Variants in CCDC88A observed in about 807,000 individuals in gnomAD.
CCDC88A encodes the protein girdin.
In CCDC88A, 54 loss-of-function variants were observed where a neutral mutation model predicts 234.3. The ratio of observed to expected loss-of-function variants is 0.23; its 90% CI spans 0.19 to 0.29. The LOEUF (loss-of-function observed/expected upper bound fraction) is 0.29. Among genes scored for constraint, CCDC88A ranks in the 10% least tolerant of loss-of-function variants. CCDC88A has a pLI of 1.00. For missense variants in CCDC88A, 1,832 were observed against 2,123.4 expected (o/e 0.86, Z 2.70); for synonymous variants, 753 against 737.8 (o/e 1.02, Z -0.33).
rs1680940910 is a variant in CCDC88A, at chr2:55,301,888, C to A, written c.4656G>T (p.Gln1552His). 1 of 1,614,096 alleles carries A rather than the reference C, an allele frequency of 6.2e-7. No homozygotes were observed. The highest frequency in any genetic ancestry group is 8.5e-7 in the Non-Finnish European group (1 of 1,180,010). Residue 1552 changes from glutamine to histidine, a missense_variant, in exon 27 of 33, where the codon CAG (glutamine) becomes CAT (histidine). By Grantham distance (24) the Gln-to-His change is conservative (BLOSUM62 0). Coordinates refer to ENST00000436346, the MANE Select transcript of CCDC88A (RefSeq NM_001365480.1). ...AGCCTATACCTTTATTATTAACCAA[C>A]TGCTTGGATCTGAAGCCTGCAGAAG... ...VNSSAGFRSK[Q>H]LVNNKDTTSF...
At chr2:55,364,098 T>C (rs912235171) in intron 5 of CCDC88A, 65 bp from the exon 6 acceptor site, 21 of 715,440 alleles carry the variant, frequency 2.9e-5, no homozygotes, top group East Asian at 1.5e-4. Context: ...ATGTTATATA[T>C]AACTAAAACT....
At position 55,355,601 on chromosome 2, in the gene CCDC88A, T is replaced by C; in HGVS notation, c.778A>G (p.Ile260Val). The C allele has an allele frequency of 6.2e-7, 1 of 1,614,138 alleles. No individual in the cohort carries two copies. The highest frequency in any genetic ancestry group is 8.5e-7 in the Non-Finnish European group (1 of 1,179,960). ...SVELADAKAK[I>V]RRLRQELEEK... is the part of the protein sequence containing the mutation. ...TACAATTCCTGCCTAAGCCTTCTTA[T>C]CTTGGCTTTAGCATCTGCCAGTTCC... Residue 260 changes from isoleucine to valine, a missense_variant, in exon 8 of 33, where the codon ATA becomes GTA. Physicochemically the swap from Ile to Val is conservative, Grantham distance 29 (BLOSUM62 3). Transcript: ENST00000436346.
In CCDC88A at chr2:55,328,354, TA is replaced by T; in HGVS notation, c.2936del (p.Leu979Ter). 1 of 1,601,876 alleles carries T rather than the reference TA, an allele frequency of 6.2e-7. No individual in the cohort carries two copies. On this transcript the variant is annotated frameshift_variant, in exon 17 of 33. Coordinates refer to ENST00000436346, the MANE Select transcript of CCDC88A (RefSeq NM_001365480.1). LOFTEE classifies it high-confidence loss of function. The surrounding 1 kb of genome is among the most constrained non-coding windows in gnomAD (Gnocchi z 4.3). Reference sequence around the variant, plus strand: ...TCGTGGATTCTTCTAATCGAGCTTCTAAAGCAGCAATTTTTTCTTCTTTTAT... The same window carrying T: ...TCGTGGATTCTTCTAATCGAGCTTCTAAGCAGCAATTTTTTCTTCTTTTAT... The part of the protein sequence containing the change: ...LEIKEEKIAA[L>X]EARLEESTNY...
intron 7 of CCDC88A, among the ~76,000 whole-genome samples, chr2:55,359,595 A>G (rs888957820): frequency 6.6e-6 from 1 of 150,686 alleles, no homozygotes; most frequent in Non-Finnish European, 1.5e-5. Flanking sequence ...TAGCATATAT[A>G]TAAGAATATA....
At chr2:55,355,814 T>G (rs888593735) in intron 7 of CCDC88A, 63 bp from the exon 8 acceptor site, 3 of 1,295,308 alleles carry the variant, frequency 2.3e-6, no homozygotes, top group Admixed American at 1.9e-5. Flanking sequence ...CACATCAACA[T>G]GATCCACTAG....
intron 23 of CCDC88A, among the ~76,000 whole-genome samples, chr2:55,311,407 T>G (rs1237529828): frequency 6.6e-6 from 1 of 152,224 alleles, no homozygotes; most frequent in African/African-American, 2.4e-5. Context: ...AGACTGGTGC[T>G]TCAGAAAAAT....
Position 55,419,515 on chromosome 2 carries a change from G to T in CCDC88A, c.-436C>A. The T allele has an allele frequency of 1.8e-5, 3 of 162,238 alleles. No homozygotes were observed. The highest frequency in any genetic ancestry group is 1.6e-4 in the South Asian group (1 of 6,162). The allele number at this position is 162,238 out of a possible 1,614,324, so 10.0% of individuals were successfully genotyped here. A position where few individuals can be genotyped will look rare whatever the true frequency, so the allele number is the denominator to read the frequency against. On this transcript the variant is annotated 5_prime_UTR_variant, in exon 1 of 33. Coordinates refer to ENST00000436346, the MANE Select transcript of CCDC88A (RefSeq NM_001365480.1). ...AAACAGAGACCACGTTAAGGATACC[G>T]AGGCGCCACCAGACTCGACCTCGGC... is the stretch of plus-strand genomic sequence containing the variant.
At chr2:55,366,328 C>A (rs1671940228) in intron 5 of CCDC88A, among the ~76,000 whole-genome samples, 1 of 152,004 alleles carries the variant, frequency 6.6e-6, no homozygotes, top group Admixed American at 6.6e-5. Context: ...GAGTTCAAGA[C>A]CAGCCTGGCC....
At chr2:55,340,671 T>C (rs1351111396) in intron 12 of CCDC88A, among the ~76,000 whole-genome samples, 1 of 152,208 alleles carries the variant, frequency 6.6e-6, no homozygotes. Flanking sequence ...ACACTACTAC[T>C]TATTTTGGCT....
chr2:55,319,685 G>A (rs1683384552), intron 18 of CCDC88A, among the ~76,000 whole-genome samples: 2 of 151,872 alleles, frequency 1.3e-5, no homozygotes, highest in East Asian at 3.9e-4. Flanking sequence ...CAGTACATAA[G>A]GCCATATTTC....
rs1211018894 is a variant in CCDC88A at position 55,317,904 on chromosome 2, A to G, written c.3325-63T>C. Reference sequence around the variant, plus strand: ...CAGTTCATGTTCTTTTTCAAAATACAAGATTACAATGTTAATTAAAGAAAG... The same window carrying G: ...CAGTTCATGTTCTTTTTCAAAATACGAGATTACAATGTTAATTAAAGAAAG... On this transcript the variant is annotated intron_variant, in intron 19 of 32. Coordinates refer to ENST00000436346, the MANE Select transcript of CCDC88A (RefSeq NM_001365480.1). The surrounding 1 kb of genome is among the most constrained non-coding windows in gnomAD (Gnocchi z 4.2). 3 of 1,165,694 alleles carry G rather than the reference A, an allele frequency of 2.6e-6. No homozygotes were observed. The highest frequency in any genetic ancestry group is 3.1e-5 in the African/African-American group (2 of 65,204). The allele number at this position is 1,165,694 out of a possible 1,614,324, so 72.2% of individuals were successfully genotyped here. A position where few individuals can be genotyped will look rare whatever the true frequency, so the allele number is the denominator to read the frequency against.
At chr2:55,391,419 G>C (rs1221896198) in intron 2 of CCDC88A, among the ~76,000 whole-genome samples, 1 of 151,758 alleles carries the variant, frequency 6.6e-6, no homozygotes, top group African/African-American at 2.4e-5. Context: ...CAAAAGATCA[G>C]GAAAATGTGA....
chr2:55,382,079 A>G (rs913859192), intron 3 of CCDC88A, among the ~76,000 whole-genome samples: 2 of 152,212 alleles, frequency 1.3e-5, no homozygotes, highest in African/African-American at 4.8e-5. Flanking sequence ...AAAGGAAAGA[A>G]TACCTGACCA....
rs1434686173 is a variant in CCDC88A at position 55,322,649 on chromosome 2, T to G, written c.3041A>C (p.Glu1014Ala). The change falls in exon 18 of 33, where the codon GAA (glutamate) becomes GCA (alanine). Residue 1014 changes from glutamate (E) to alanine (A), a missense_variant. Physicochemically the swap from Glu to Ala is moderately radical, Grantham distance 107. Transcript: ENST00000436346. ...YEALKQRQDEERMVQSSPPIS... is the reference protein window; with the variant it reads ...YEALKQRQDEARMVQSSPPIS... The stretch of plus-strand genomic sequence containing the variant: ...TGGAGGAGAGCTCTGTACCATCCTT[T>G]CCTCATCTTGTCTCTGTTTGAGAGC... 3.8e-6 allele frequency: 6 copies of G among 1,580,568 alleles called. No homozygotes were observed. In the African/African-American group the frequency reaches 8.1e-5, roughly 21 times the overall value.
intron 17 of CCDC88A, among the ~76,000 whole-genome samples, chr2:55,326,447 T>G (rs1684274700): frequency 6.6e-6 from 1 of 152,222 alleles, no homozygotes; most frequent in Admixed American, 6.5e-5. Context: ...CAGTCTACCT[T>G]AAAGTGAATA....
At chr2:55,387,033 C>T (rs1982484) in intron 3 of CCDC88A, among the ~76,000 whole-genome samples, 76,305 of 150,736 alleles carry the variant, frequency 0.51, 21,359 homozygotes, top group Admixed American at 0.63. Flanking sequence ...AAAAATTAGC[C>T]GGGTGTGGTA....
At position 55,295,827 on chromosome 2, in the gene CCDC88A, G is replaced by A. The variant is rs1004634315; in HGVS notation, c.5321C>T (p.Thr1774Ile). The change falls in exon 31 of 33, where the codon ACA becomes ATA. Residue 1774 changes from threonine to isoleucine, a missense_variant. By Grantham distance (89) the Thr-to-Ile change is moderately conservative (BLOSUM62 -1). Coordinates refer to ENST00000436346, the MANE Select transcript of CCDC88A (RefSeq NM_001365480.1). ...TYFISSAGKP[T>I]PGTQGKIKLV... is the part of the protein sequence containing the mutation. ...TTTTATTTTTCCTTGAGTGCCTGGT[G>A]TAGGTTTTCCCGCAGAACTAATGAA... is the stretch of plus-strand genomic sequence containing the variant. 3.1e-6 allele frequency: 5 copies of A among 1,613,982 alleles called. No homozygotes were observed. Among genetic ancestry groups the A allele is most frequent in the East Asian group, 2.2e-5 (1 of 44,894 alleles).
intron 2 of CCDC88A, among the ~76,000 whole-genome samples, chr2:55,409,960 T>C (rs1680211300): frequency 6.6e-6 from 1 of 151,882 alleles, no homozygotes; most frequent in Admixed American, 6.6e-5. Context: ...AGGCTGATCT[T>C]GAACTCCTGA....
chr2:55,344,348 A>G lies in CCDC88A; in HGVS notation c.1188+20T>C. ...GTTTTCCTTAAAGGCCATGTAACTG[A>G]TCTACCTCTTAAAACTTACCATTTC... On this transcript the variant is annotated intron_variant, in intron 11 of 32. Transcript: ENST00000436346. The G allele has an allele frequency of 6.5e-7, 1 of 1,537,552 alleles. No individual in the cohort carries two copies. Among genetic ancestry groups the G allele is most frequent in the South Asian group, 1.3e-5 (1 of 77,724 alleles).
Sources: gnomAD v4.1 joint callset for allele counts (sites outside exome capture counted in the v4.1 genomes callset) on GRCh38, gnomAD v4.1.1 for gene constraint, Gnocchi (gnomAD v3.1) non-coding constraint, MANE v1.5 for transcripts, NCBI Gene and HGNC (gene_info 2026-07-23, HGNC 2026-07-21) for gene names.